Variants in CNTN1 observed in about 807,000 individuals in gnomAD.
The protein encoded by CNTN1 is contactin-1.
A neutral mutation model predicts 126.4 loss-of-function variants in CNTN1; 38 were observed. That is an observed-to-expected ratio of 0.30 (90% confidence interval 0.23 to 0.39). CNTN1 has a LOEUF of 0.39. Ranked by LOEUF, CNTN1 falls within the 10% of genes least tolerant of loss-of-function variation. The pLI is 1.00. For missense variants in CNTN1, 1,009 were observed against 1,248.4 expected (o/e 0.81, Z 2.89); for synonymous variants, 413 against 422.6 (o/e 0.98, Z 0.28).
intron 1 of CNTN1, chr12:40,763,125 A>G (rs1938931993): frequency 6.6e-6 from 1 of 152,322 alleles, no homozygotes; most frequent in Non-Finnish European, 1.5e-5. Context: ...CCCCTTTGCC[A>G]TGATTAAAGG....
chr12:40,944,084 G>A lies in CNTN1; in HGVS notation c.1597G>A (p.Ala533Thr), dbSNP rs754417117. ...TMQCAASFDP[A>T]LDLTFVWSFN... ...GCAGTGTGCTGCGTCCTTTGATCCTGCCTTGGATCTCACATTTGTTTGGTC... is the reference window on the plus strand; with the variant it reads ...GCAGTGTGCTGCGTCCTTTGATCCTACCTTGGATCTCACATTTGTTTGGTC... Residue 533 changes from alanine to threonine, a missense_variant, in exon 14 of 24, where the codon GCC (alanine) becomes ACC (threonine). Transcript: ENST00000551295. 4 of 1,613,540 alleles carry A rather than the reference G, an allele frequency of 2.5e-6. No individual in the cohort carries two copies. Among genetic ancestry groups the A allele is most frequent in the Non-Finnish European group, 3.4e-6 (4 of 1,179,650 alleles).
chr12:41,057,064 T>A lies in CNTN1; in HGVS notation c.2981-12895T>A, dbSNP rs1207710647. Among the ~76,000 whole-genome samples the A allele has an allele frequency of 1.4e-4, 16 of 112,638 alleles. 3 individuals carry two copies. The highest frequency in any genetic ancestry group is 4.7e-4 in the African/African-American group (13 of 27,648). 73.9% of individuals were successfully genotyped at this position (112,638 alleles called of 152,430 possible). A position where few individuals can be genotyped will look rare whatever the true frequency, so the allele number is the denominator to read the frequency against. On this transcript the variant is annotated intron_variant, in intron 23 of 23. Coordinates refer to ENST00000551295, the MANE Select transcript of CNTN1 (RefSeq NM_001843.4). ...AATATTTAGATATTTATAAATATTATAAATATTTAGATATTTATAAATATT... is the reference window on the plus strand; with the variant it reads ...AATATTTAGATATTTATAAATATTAAAAATATTTAGATATTTATAAATATT...
rs186981592 is a variant in CNTN1 at position 40,816,456 on chromosome 12, C to T, written c.-76-91901C>T. Among the ~76,000 whole-genome samples, 4 of 152,142 alleles carry T rather than the reference C, an allele frequency of 2.6e-5. No individual in the cohort carries two copies. In the East Asian group the frequency reaches 5.8e-4, roughly 22 times the overall value. ...TTTGCATAGAGGTGTTTTTATTATT[C>T]TCTGACGGTAGTTTGTATTTCTGTG... On this transcript the variant is annotated intron_variant, in intron 1 of 23. Coordinates refer to ENST00000551295, the MANE Select transcript of CNTN1 (RefSeq NM_001843.4).
At chr12:40,892,098 C>T (rs568951530) in intron 1 of CNTN1, among the ~76,000 whole-genome samples, 12 of 152,182 alleles carry the variant, frequency 7.9e-5, no homozygotes, top group Non-Finnish European at 1.0e-4. Context: ...CTGTCTAAAA[C>T]GTTTACCCTC....
rs376204194 is a variant in CNTN1, at chr12:41,059,782, T to C, written c.2981-10177T>C. Among the ~76,000 whole-genome samples the C allele has an allele frequency of 1.1e-4, 17 of 152,276 alleles. No homozygotes were observed. In the East Asian group the frequency reaches 1.7e-3, roughly 16 times the overall value. ...GCCTGAGCCTGTAATCCGAGTACTT[T>C]GCAGGGTCGAGGTGAGAGGATTGCT... On this transcript the variant is annotated intron_variant, in intron 23 of 23. Coordinates refer to ENST00000551295, the MANE Select transcript of CNTN1 (RefSeq NM_001843.4).
At chr12:40,862,410 T>G (rs533016132) in intron 1 of CNTN1, among the ~76,000 whole-genome samples, 2 of 152,258 alleles carry the variant, frequency 1.3e-5, no homozygotes, top group East Asian at 1.9e-4. Context: ...TGGGTTTCCC[T>G]TTATGGGGTT....
At chr12:40,898,496 C>T (rs1443400237) in intron 1 of CNTN1, among the ~76,000 whole-genome samples, 1 of 151,926 alleles carries the variant, frequency 6.6e-6, no homozygotes, top group Non-Finnish European at 1.5e-5. Context: ...ATATATGTTT[C>T]AAATATAAAT....
chr12:40,903,592 T>C (rs1219152819), intron 1 of CNTN1, among the ~76,000 whole-genome samples: 1 of 152,062 alleles, frequency 6.6e-6, no homozygotes, highest in Non-Finnish European at 1.5e-5. Context: ...GAGTCACAAA[T>C]GATGGGATAA....
At chr12:40,925,606 C>CGTGTATATATATATAT (rs1945635903) in intron 6 of CNTN1, among the ~76,000 whole-genome samples, 1 of 132,224 alleles carries the variant, frequency 7.6e-6, no homozygotes, top group African/African-American at 2.8e-5. Context: ...TATATATATA[C>CGTGTATATATATATAT]GTGTATATAT....
chr12:40,728,397 C>T (rs539612925), intron 1 of CNTN1, among the ~76,000 whole-genome samples: 5 of 152,046 alleles, frequency 3.3e-5, no homozygotes, highest in Non-Finnish European at 7.4e-5. Context: ...CAGGCAGGAA[C>T]AAGGGGAAGG....
At chr12:40,806,432 C>T (rs922163939) in intron 1 of CNTN1, among the ~76,000 whole-genome samples, 4 of 152,180 alleles carry the variant, frequency 2.6e-5, no homozygotes, top group East Asian at 3.9e-4. Context: ...GGTTATGAGA[C>T]CTTACCCACC....
intron 1 of CNTN1, among the ~76,000 whole-genome samples, chr12:40,782,075 G>A (rs183620017): frequency 7.7e-4 from 117 of 151,862 alleles, no homozygotes; most frequent in African/African-American, 2.7e-3. Flanking sequence ...GTTTAATTTT[G>A]TTACATAATA....
intron 1 of CNTN1, among the ~76,000 whole-genome samples, chr12:40,889,354 A>G (rs1363153927): frequency 6.6e-6 from 1 of 152,222 alleles, no homozygotes; most frequent in Non-Finnish European, 1.5e-5. Context: ...ATGGAATTGA[A>G]GGAAAGAAAA....
intron 3 of CNTN1, among the ~76,000 whole-genome samples, chr12:40,917,808 G>C (rs1444715322): frequency 6.6e-6 from 1 of 152,088 alleles, no homozygotes; most frequent in Admixed American, 6.6e-5. Context: ...TCCCTGCCAG[G>C]GAGAATAGAC....
At chr12:41,040,095 C>T (rs1172030393) in intron 23 of CNTN1, among the ~76,000 whole-genome samples, 5 of 152,084 alleles carry the variant, frequency 3.3e-5, no homozygotes, top group South Asian at 4.1e-4. Flanking sequence ...CACACAGACC[C>T]TATAATGTCC....
chr12:40,859,933 A>G (rs1943060375), intron 1 of CNTN1, among the ~76,000 whole-genome samples: 1 of 152,154 alleles, frequency 6.6e-6, no homozygotes, highest in South Asian at 2.1e-4. Context: ...ATGTCAGTAA[A>G]AAATCTATTA....
rs111520225 is a variant in CNTN1 at position 40,938,446 on chromosome 12, A to G, written c.1228+759A>G. On this transcript the variant is annotated intron_variant, in intron 11 of 23. Coordinates refer to ENST00000551295, the MANE Select transcript of CNTN1 (RefSeq NM_001843.4). The stretch of plus-strand genomic sequence containing the variant: ...CATACAGATGATGCTCAGTAATTGT[A>G]TAAAGAAGGAGAGACTGCATTGTTT... 3.1e-3 allele frequency among the ~76,000 whole-genome samples: 471 copies of G among 152,326 alleles called. 3 individuals are homozygous for G. Among genetic ancestry groups the G allele is most frequent in the African/African-American group, 0.011 (440 of 41,580 alleles).
At chr12:40,702,340 C>T (rs367623537) in intron 1 of CNTN1, among the ~76,000 whole-genome samples, 3 of 152,282 alleles carry the variant, frequency 2.0e-5, no homozygotes. Flanking sequence ...TGAATGCCCC[C>T]AAAATATACA....
chr12:41,011,431 G>GA (rs1460315896), intron 17 of CNTN1, among the ~76,000 whole-genome samples: 8 of 152,010 alleles, frequency 5.3e-5, no homozygotes, highest in African/African-American at 1.9e-4. Context: ...TAAAGAGAAG[G>GA]AAAAAAAGGC....
Sources: allele counts gnomAD v4.1 joint callset (sites outside exome capture counted in the v4.1 genomes callset), GRCh38; gene constraint gnomAD v4.1.1; transcripts MANE v1.5; gene names NCBI Gene and HGNC (gene_info 2026-07-23, HGNC 2026-07-21).